Variants in VEPH1 observed in about 807,000 individuals in gnomAD.
VEPH1 encodes ventricular zone expressed PH domain containing 1.
VEPH1 carries 80 observed loss-of-function variants against 85.2 expected under a neutral mutation model. The observed-to-expected ratio is 0.94, with a 90% confidence interval of 0.78 to 1.13. The LOEUF (loss-of-function observed/expected upper bound fraction) is 1.13. VEPH1 is among the 50% of genes most tolerant of loss of function. The pLI is 0.00. For missense variants in VEPH1, 955 were observed against 980.5 expected, an observed-to-expected ratio of 0.97 and a Z score of 0.35; for synonymous variants, 297 against 348.0, an observed-to-expected ratio of 0.85 and a Z score of 1.63.
intron 9 of VEPH1, among the ~76,000 whole-genome samples, chr3:157,336,655 A>G (rs1201047948): frequency 6.6e-6 from 1 of 152,210 alleles, no homozygotes; most frequent in African/African-American, 2.4e-5. Flanking sequence ...TATGTTTACC[A>G]GAAGTCTCGC....
chr3:157,304,021 TTTTA>T (rs1719152884), intron 11 of VEPH1, among the ~76,000 whole-genome samples: 2 of 83,992 alleles, frequency 2.4e-5, no homozygotes, highest in Non-Finnish European at 4.8e-5. Context: ...ATCTTATATT[TTTTA>T]TATATATATA....
At chr3:157,312,088 A>G (rs1246762017) in intron 11 of VEPH1, among the ~76,000 whole-genome samples, 6 of 152,212 alleles carry the variant, frequency 3.9e-5, no homozygotes. Flanking sequence ...ACAAGAGACC[A>G]GTTCTGGAGT....
chr3:157,303,460 C>T (rs1719064578), intron 11 of VEPH1, among the ~76,000 whole-genome samples: 1 of 152,108 alleles, frequency 6.6e-6, no homozygotes, highest in Non-Finnish European at 1.5e-5. Context: ...TCATATTTAC[C>T]ATGATTTTGC....
intron 6 of VEPH1, among the ~76,000 whole-genome samples, chr3:157,394,720 T>A (rs1041998604): frequency 6.6e-6 from 1 of 152,108 alleles, no homozygotes; most frequent in Non-Finnish European, 1.5e-5. Flanking sequence ...CATGAGAACT[T>A]ACTATCTTGA....
intron 1 of VEPH1, among the ~76,000 whole-genome samples, chr3:157,502,649 TA>T (rs559162339): frequency 1.9e-4 from 29 of 152,348 alleles, no homozygotes; most frequent in African/African-American, 5.8e-4. Flanking sequence ...TTTCTCTAAA[TA>T]TTTTTTTCTG....
chr3:157,351,893 C>T (rs556381771), intron 9 of VEPH1, among the ~76,000 whole-genome samples: 14 of 152,316 alleles, frequency 9.2e-5, no homozygotes, highest in Middle Eastern at 3.4e-3. Context: ...GCTGTATCCA[C>T]TAGAAGTCAG....
chr3:157,458,010 G>A (rs1178454900), intron 4 of VEPH1, among the ~76,000 whole-genome samples: 1 of 152,102 alleles, frequency 6.6e-6, no homozygotes, highest in Non-Finnish European at 1.5e-5. Flanking sequence ...TATTGTGATT[G>A]GTAGACTATT....
rs1395763766 is a variant in VEPH1 at position 157,265,612 on chromosome 3, G to A, written c.2179C>T (p.Gln727Ter). Residue 727 changes from glutamine (Q) to a stop codon, truncating the protein, a stop_gained, in exon 13 of 14, where the codon CAA becomes TAA. Coordinates refer to ENST00000362010, the MANE Select transcript of VEPH1 (RefSeq NM_001167912.2). LOFTEE classifies it high-confidence loss of function. ...CTTTTGATGAACTTCCATCTGACTT[G>A]CTTCTCTTTAAGTTTTCCTTCTATG... The part of the protein sequence containing the change: ...PLIEGKLKEK[Q>*]VRWKFIKRWK... 1 of 1,613,520 alleles carries A rather than the reference G, an allele frequency of 6.2e-7. No individual in the cohort carries two copies. The highest frequency in any genetic ancestry group is 8.5e-7 in the Non-Finnish European group (1 of 1,179,732).
intron 6 of VEPH1, among the ~76,000 whole-genome samples, chr3:157,406,613 C>G (rs1731155762): frequency 7.5e-6 from 1 of 133,736 alleles, no homozygotes; most frequent in African/African-American, 3.0e-5. Flanking sequence ...AAAAACAAGG[C>G]AGAGGGCACA....
Position 157,363,552 on chromosome 3 carries a change from A to C in VEPH1, c.1547T>G (p.Ile516Arg). 1 of 1,614,072 alleles carries C rather than the reference A, an allele frequency of 6.2e-7. No homozygotes were observed. The highest frequency in any genetic ancestry group is 1.1e-5 in the South Asian group (1 of 91,074). The change falls in exon 9 of 14, where the codon ATA becomes AGA. Residue 516 changes from isoleucine to arginine, a missense_variant. Coordinates refer to ENST00000362010, the MANE Select transcript of VEPH1 (RefSeq NM_001167912.2). ...SSVSYPNIIH[I>R]DSENLSETVK... ...AGTTTCTGACAAATTCTCTGAGTCT[A>C]TATGTATAATATTTGGGTATGAAAC...
At chr3:157,321,173 A>G (rs1721310374) in intron 9 of VEPH1, among the ~76,000 whole-genome samples, 1 of 152,126 alleles carries the variant, frequency 6.6e-6, no homozygotes, top group Non-Finnish European at 1.5e-5. Context: ...TTCTTTACAA[A>G]ACTTATCCTT....
At chr3:157,353,955 T>G (rs1725155676) in intron 9 of VEPH1, among the ~76,000 whole-genome samples, 1 of 152,102 alleles carries the variant, frequency 6.6e-6, no homozygotes, top group Non-Finnish European at 1.5e-5. Flanking sequence ...CAGGAAAGAT[T>G]TTTAGGGCAG....
At chr3:157,479,372 CA>C (rs1278843357) in intron 2 of VEPH1, among the ~76,000 whole-genome samples, 1 of 152,168 alleles carries the variant, frequency 6.6e-6, no homozygotes, top group Non-Finnish European at 1.5e-5. Context: ...ACGAAAAAGC[CA>C]CAAATTGTGC....
chr3:157,440,604 A>C (rs954552864), intron 4 of VEPH1, among the ~76,000 whole-genome samples: 2 of 152,078 alleles, frequency 1.3e-5, no homozygotes, highest in Non-Finnish European at 2.9e-5. Context: ...ATATATACAC[A>C]CACATTTATA....
At chr3:157,359,999 T>C (rs1040065212) in intron 9 of VEPH1, among the ~76,000 whole-genome samples, 2 of 152,258 alleles carry the variant, frequency 1.3e-5, no homozygotes, top group Non-Finnish European at 2.9e-5. Flanking sequence ...CTTTGCTTCT[T>C]GACTACTATG....
chr3:157,365,977 G>A (rs1325627265), intron 7 of VEPH1, among the ~76,000 whole-genome samples: 2 of 152,196 alleles, frequency 1.3e-5, no homozygotes, highest in East Asian at 1.9e-4. Context: ...GGTTGGGTGA[G>A]TTATAGGGTA....
chr3:157,471,931 A>AT (rs377306960), intron 2 of VEPH1, among the ~76,000 whole-genome samples: 3 of 152,008 alleles, frequency 2.0e-5, no homozygotes, highest in Non-Finnish European at 4.4e-5. Context: ...AGTTGTTTAC[A>AT]TTTTTTTGAA....
rs533759464 is a variant in VEPH1, at chr3:157,445,240, C to T, written c.529+14941G>A. Among the ~76,000 whole-genome samples, 14 of 152,264 alleles carry T rather than the reference C, an allele frequency of 9.2e-5. No individual in the cohort carries two copies. The South Asian group carries it at 1.9e-3, about 20-fold the overall frequency. On this transcript the variant is annotated intron_variant, in intron 4 of 13. Coordinates refer to ENST00000362010, the MANE Select transcript of VEPH1 (RefSeq NM_001167912.2). ...GCTGCCTGCCCACGGACTTCTTTTA[C>T]GTGAGAGAAAAATATACTTTTGTCG... is the stretch of plus-strand genomic sequence containing the variant.
In VEPH1 at chr3:157,363,344, G is replaced by C. The variant is rs1726264512; in HGVS notation, c.1735+20C>G. 1 of 1,552,356 alleles carries C rather than the reference G, an allele frequency of 6.4e-7. No individual in the cohort carries two copies. The highest frequency in any genetic ancestry group is 2.1e-5 in the Admixed American group (1 of 47,496). On this transcript the variant is annotated intron_variant, in intron 9 of 13. Transcript: ENST00000362010. The stretch of plus-strand genomic sequence containing the variant: ...GTGACTCCTGAAGTTTCTCAGGTTT[G>C]GGAAGTACACAACACTTACCTTCAA...
Sources: allele counts gnomAD v4.1 joint callset (sites outside exome capture counted in the v4.1 genomes callset), GRCh38; gene constraint gnomAD v4.1.1; transcripts MANE v1.5; gene names NCBI Gene and HGNC (gene_info 2026-07-23, HGNC 2026-07-21).